The following RBFOX1 variants were observed in gnomAD, a reference collection of about 807,000 sequenced individuals.
RBFOX1 encodes RNA binding protein fox-1 homolog 1.
A neutral mutation model predicts 57.7 loss-of-function variants in RBFOX1; 8 were observed. The ratio of observed to expected loss-of-function variants is 0.14; its 90% CI spans 0.08 to 0.25. The LOEUF (loss-of-function observed/expected upper bound fraction) is 0.25. Among genes scored for constraint, RBFOX1 ranks in the 10% least tolerant of loss-of-function variants. The pLI is 1.00. For missense variants in RBFOX1, 611 were observed against 548.5 expected (o/e 1.11, Z -1.14); for synonymous variants, 326 against 222.4 (o/e 1.47, Z -4.15).
At chr16:6,632,108 T>A (rs1455728795) in intron 2 of RBFOX1, among the ~76,000 whole-genome samples, 1 of 152,098 alleles carries the variant, frequency 6.6e-6, no homozygotes, top group Non-Finnish European at 1.5e-5. Flanking sequence ...TCTGAGTCTG[T>A]CCCTTGTTAA....
chr16:6,873,272 T>C (rs2061266884), intron 3 of RBFOX1, among the ~76,000 whole-genome samples: 1 of 152,192 alleles, frequency 6.6e-6, no homozygotes, highest in African/African-American at 2.4e-5. Context: ...ATTAGTTATC[T>C]TGGTCCCAAA....
At chr16:7,297,006 G>A (rs962020951) in intron 4 of RBFOX1, among the ~76,000 whole-genome samples, 2 of 152,296 alleles carry the variant, frequency 1.3e-5, no homozygotes, top group East Asian at 1.9e-4. Flanking sequence ...CAGGGGAAGA[G>A]CTGGGTTGAA....
At chr16:6,257,719 C>G (rs2097676975) in intron 1 of RBFOX1, among the ~76,000 whole-genome samples, 1 of 152,150 alleles carries the variant, frequency 6.6e-6, no homozygotes, top group African/African-American at 2.4e-5. Flanking sequence ...ACAATGGCCT[C>G]CAGCTCCTTC....
intron 3 of RBFOX1, among the ~76,000 whole-genome samples, chr16:5,784,810 G>C (rs750454096): frequency 6.6e-6 from 1 of 152,086 alleles, no homozygotes; most frequent in Non-Finnish European, 1.5e-5. Flanking sequence ...AGGACATGGC[G>C]CATAGACACC....
At chr16:6,191,796 C>G (rs1253858682) in intron 1 of RBFOX1, among the ~76,000 whole-genome samples, 1 of 152,114 alleles carries the variant, frequency 6.6e-6, no homozygotes. Flanking sequence ...CACCACAGAG[C>G]TTTCCTTGGA....
chr16:6,848,764 G>A (rs971429258), intron 3 of RBFOX1, among the ~76,000 whole-genome samples: 2 of 152,120 alleles, frequency 1.3e-5, no homozygotes, highest in Admixed American at 6.6e-5. Context: ...TTGCCAAGTA[G>A]AAGAAACTCA....
At chr16:5,630,799 T>G (rs1480854796) in intron 3 of RBFOX1, among the ~76,000 whole-genome samples, 2 of 152,148 alleles carry the variant, frequency 1.3e-5, no homozygotes, top group African/African-American at 4.8e-5. Flanking sequence ...AAAAAGGCAA[T>G]GAGGGAGATA....
intron 4 of RBFOX1, among the ~76,000 whole-genome samples, chr16:5,950,083 G>A (rs2059489624): frequency 1.3e-5 from 2 of 152,194 alleles, no homozygotes; most frequent in Non-Finnish European, 2.9e-5. Flanking sequence ...ACTTATTTAA[G>A]GCAGTGTCCT....
At chr16:7,211,648 C>T (rs1163446676) in intron 4 of RBFOX1, among the ~76,000 whole-genome samples, 1 of 152,010 alleles carries the variant, frequency 6.6e-6, no homozygotes, top group East Asian at 1.9e-4. Context: ...ATTGCATTTC[C>T]AGGAGAAAAT....
At chr16:5,421,786 G>A (rs1191683529) in intron 1 of RBFOX1, among the ~76,000 whole-genome samples, 3 of 152,162 alleles carry the variant, frequency 2.0e-5, no homozygotes, top group South Asian at 2.1e-4. Context: ...TCATCCAGAT[G>A]AGCCTAAGAA....
At chr16:6,117,284 C>CA (rs34255679) in intron 1 of RBFOX1, among the ~76,000 whole-genome samples, 5,658 of 150,738 alleles carry the variant, frequency 0.038, 180 homozygotes, top group African/African-American at 0.077. Context: ...GCTAAACGTA[C>CA]AAAAAAAAAT....
chr16:5,305,818 G>A (rs904556303), intron 1 of RBFOX1, among the ~76,000 whole-genome samples: 1 of 152,156 alleles, frequency 6.6e-6, no homozygotes, highest in Admixed American at 6.5e-5. Flanking sequence ...AGCAAGTCGG[G>A]AGGCCTAGGT....
At chr16:6,920,599 G>C (rs1346393563) in intron 3 of RBFOX1, among the ~76,000 whole-genome samples, 1 of 152,190 alleles carries the variant, frequency 6.6e-6, no homozygotes, top group Non-Finnish European at 1.5e-5. Flanking sequence ...TTAGAAGTCT[G>C]AAATCAAGAT....
At chr16:6,536,407 C>G (rs1040955278) in intron 2 of RBFOX1, among the ~76,000 whole-genome samples, 14 of 152,182 alleles carry the variant, frequency 9.2e-5, no homozygotes, top group Admixed American at 8.5e-4. Context: ...TTTCTGTCCC[C>G]TATTGTCCTC....
intron 9 of RBFOX1, 46 bp downstream of exon 9, chr16:7,597,477 C>A: frequency 6.8e-7 from 1 of 1,472,092 alleles, no homozygotes; most frequent in Non-Finnish European, 9.4e-7. Flanking sequence ...CTACTTCTGA[C>A]TCTTTAAGTA....
chr16:7,191,627 T>G (rs12925413), intron 4 of RBFOX1, among the ~76,000 whole-genome samples: 5,059 of 152,342 alleles, frequency 0.033, 113 homozygotes, highest in Non-Finnish European at 0.05. Context: ...AGATTAGATT[T>G]GCTTTTAAGC....
chr16:6,895,156 A>T lies in RBFOX1; in HGVS notation c.-15-156901A>T, dbSNP rs144743645. On this transcript the variant is annotated intron_variant, in intron 3 of 15. Coordinates refer to ENST00000550418, the MANE Select transcript of RBFOX1 (RefSeq NM_018723.4). ...TCAGAGAAGCACCAAATCAAAAAAG[A>T]TGATCTATATTAACAAAATCCTCTA... Among the ~76,000 whole-genome samples, 11 of 152,232 alleles carry T rather than the reference A, an allele frequency of 7.2e-5. 2 individuals are homozygous for T. The highest frequency in any genetic ancestry group is 3.9e-4 in the East Asian group (2 of 5,168).
chr16:6,282,330 C>T (rs1393745436), intron 1 of RBFOX1, among the ~76,000 whole-genome samples: 1 of 148,532 alleles, frequency 6.7e-6, no homozygotes, highest in African/African-American at 2.5e-5. Flanking sequence ...GGCTTCAGGG[C>T]CTTCTCATTC....
chr16:7,523,909 G>C (rs911736802), intron 5 of RBFOX1, among the ~76,000 whole-genome samples: 1 of 152,118 alleles, frequency 6.6e-6, no homozygotes, highest in African/African-American at 2.4e-5. Context: ...GGTGTACCTT[G>C]TCTTCACTCC....
Sources: allele counts gnomAD v4.1 joint callset (sites outside exome capture counted in the v4.1 genomes callset), GRCh38; gene constraint gnomAD v4.1.1; transcripts MANE v1.5; gene names NCBI Gene and HGNC (gene_info 2026-07-23, HGNC 2026-07-21).